PATJ: variants seen among roughly 807,000 people sequenced by gnomAD.
The protein encoded by PATJ is PATJ crumbs cell polarity complex component.
In PATJ, 190 loss-of-function variants were observed where a neutral mutation model predicts 224.9. The observed-to-expected ratio is 0.84, with a 90% CI of 0.75 to 0.95. PATJ has a LOEUF of 0.95. Among genes scored for constraint, PATJ ranks in the 40% least tolerant of loss-of-function variants. The pLI, the probability that PATJ is intolerant of heterozygous loss-of-function variation, is 0.00. For synonymous variants in PATJ, 769 were observed against 820.3 expected, an observed-to-expected ratio of 0.94 and a Z score of 1.07; for missense variants, 2,121 against 2,270.3, an observed-to-expected ratio of 0.93 and a Z score of 1.34.
chr1:61,998,965 A>T lies in PATJ; in HGVS notation c.3867+8601A>T, dbSNP rs147122203. On this transcript the variant is annotated intron_variant, in intron 28 of 43. Coordinates refer to ENST00000642238, the MANE Select transcript of PATJ (RefSeq NM_001350145.3). ...TTTATTTTTTATTACTGCAGTCCTC[A>T]TTATTGCTCACACAAAAGCTTTATG... Among the ~76,000 whole-genome samples the T allele has an allele frequency of 9.2e-5, 14 of 152,272 alleles. No homozygotes were observed. In the East Asian group the frequency reaches 2.5e-3, roughly 27 times the overall value.
chr1:61,769,659 G>C (rs1333629339), intron 5 of PATJ, among the ~76,000 whole-genome samples: 5 of 152,276 alleles, frequency 3.3e-5, no homozygotes, highest in Non-Finnish European at 5.9e-5. Flanking sequence ...GATTCAGAGA[G>C]GTTCAGTGGT....
At chr1:61,918,307 C>CTTTTTT (rs981322479) in intron 26 of PATJ, among the ~76,000 whole-genome samples, 2 of 115,626 alleles carry the variant, frequency 1.7e-5, no homozygotes, top group African/African-American at 6.8e-5. Context: ...TTTGTGTATT[C>CTTTTTT]TTTTTTTTTT....
intron 17 of PATJ, among the ~76,000 whole-genome samples, chr1:61,840,552 C>A (rs1197303471): frequency 6.6e-6 from 1 of 151,832 alleles, no homozygotes; most frequent in Non-Finnish European, 1.5e-5. Flanking sequence ...TTTAAAGGCT[C>A]TGTATTTTTT....
intron 27 of PATJ, among the ~76,000 whole-genome samples, chr1:61,956,815 CATTT>C (rs1388250793): frequency 1.3e-5 from 2 of 152,214 alleles, no homozygotes; most frequent in African/African-American, 4.8e-5. Flanking sequence ...TGCTAAGTCA[CATTT>C]ATATGATCAT....
At chr1:62,154,247 T>TA (rs1431793197) in intron 43 of PATJ, among the ~76,000 whole-genome samples, 3 of 152,198 alleles carry the variant, frequency 2.0e-5, no homozygotes, top group African/African-American at 7.2e-5. Flanking sequence ...TTTAATTTTT[T>TA]ATAAATTTTG....
At chr1:61,757,133 G>A (rs1269661734) in intron 1 of PATJ, among the ~76,000 whole-genome samples, 2 of 141,560 alleles carry the variant, frequency 1.4e-5, no homozygotes, top group Non-Finnish European at 3.0e-5. Context: ...GTGCAGTAGT[G>A]CAATCATGGT....
Position 62,018,982 on chromosome 1 carries a change from C to T in PATJ, c.3959+1035C>T, listed in dbSNP as rs1415787114. ...CATTAGGGCCAGGCACGGTGGCTCACGTCTGTAATCCCAGCACTTTGGGAG... is the reference window on the plus strand; with the variant it reads ...CATTAGGGCCAGGCACGGTGGCTCATGTCTGTAATCCCAGCACTTTGGGAG... On this transcript the variant is annotated intron_variant, in intron 29 of 43. Transcript: ENST00000642238. The surrounding 1 kb of genome is among the most constrained non-coding windows in gnomAD (Gnocchi z 4.2). 1.3e-5 allele frequency among the ~76,000 whole-genome samples: 2 copies of T among 152,082 alleles called. No homozygotes were observed. Among genetic ancestry groups the T allele is most frequent in the Non-Finnish European group, 2.9e-5 (2 of 68,012 alleles).
At chr1:61,921,980 A>G (rs11207865) in intron 26 of PATJ, among the ~76,000 whole-genome samples, 35,587 of 152,162 alleles carry the variant, frequency 0.23, 4,998 homozygotes, top group East Asian at 0.5. Context: ...GCTGTCTTGC[A>G]GCTTGCATTT....
intron 29 of PATJ, among the ~76,000 whole-genome samples, chr1:62,033,135 G>T (rs768250009): frequency 2.0e-5 from 3 of 152,128 alleles, no homozygotes; most frequent in Non-Finnish European, 4.4e-5. Flanking sequence ...AATTGTAGTT[G>T]TTCATTTACT....
At chr1:62,062,293 G>C (rs1655604612) in intron 31 of PATJ, among the ~76,000 whole-genome samples, 1 of 150,472 alleles carries the variant, frequency 6.6e-6, no homozygotes, top group Non-Finnish European at 1.5e-5. Flanking sequence ...ATTTAGACTG[G>C]TATGAGGTGG....
chr1:61,831,147 C>T (rs1489073541), intron 16 of PATJ, among the ~76,000 whole-genome samples: 1 of 145,160 alleles, frequency 6.9e-6, no homozygotes, highest in Non-Finnish European at 1.5e-5. Context: ...GAGATGGCGC[C>T]ACTGCACTCC....
chr1:62,049,821 C>T (rs1029667047), intron 30 of PATJ, among the ~76,000 whole-genome samples: 1 of 152,100 alleles, frequency 6.6e-6, no homozygotes, highest in Non-Finnish European at 1.5e-5. Flanking sequence ...TAGGTGGTTT[C>T]CACGTGCCAG....
At chr1:61,947,713 A>G (rs549863547) in intron 27 of PATJ, among the ~76,000 whole-genome samples, 1 of 152,194 alleles carries the variant, frequency 6.6e-6, no homozygotes, top group Non-Finnish European at 1.5e-5. Context: ...GGAAAAAACT[A>G]CTTTAAAGTT....
chr1:61,816,276 T>C (rs1461484681), intron 14 of PATJ: 2 of 152,222 alleles, frequency 1.3e-5, no homozygotes, highest in Non-Finnish European at 2.9e-5. Context: ...TTTTCTCCTA[T>C]ATTTCTAATA....
chr1:61,939,037 C>A (rs1557906931), intron 27 of PATJ, among the ~76,000 whole-genome samples: 1 of 142,996 alleles, frequency 7.0e-6, no homozygotes, highest in Non-Finnish European at 1.5e-5. Context: ...GCAGGAGAAT[C>A]GCTTGAACCC....
At chr1:61,833,126 T>TC (rs1288427496) in intron 16 of PATJ, among the ~76,000 whole-genome samples, 1 of 152,158 alleles carries the variant, frequency 6.6e-6, no homozygotes, top group Non-Finnish European at 1.5e-5. Context: ...ATTTTTTTTT[T>TC]CTCACCTTAT....
chr1:61,796,743 TTTTTTCTTC>T (rs1651369755), intron 10 of PATJ, among the ~76,000 whole-genome samples: 14 of 137,980 alleles, frequency 1.0e-4, no homozygotes, highest in South Asian at 2.4e-4. Context: ...TTTCTTTCTT[TTTTTTCTTC>T]CTTTCTTCCT....
At chr1:61,974,405 CTTTTTTT>C (rs149825131) in intron 27 of PATJ, among the ~76,000 whole-genome samples, 8 of 64,242 alleles carry the variant, frequency 1.2e-4, no homozygotes, top group South Asian at 1.7e-3. Flanking sequence ...CTCTCTCTCT[CTTTTTTT>C]TTTTTTTTTT....
intron 27 of PATJ, among the ~76,000 whole-genome samples, chr1:61,984,841 A>T (rs1403605002): frequency 6.6e-6 from 1 of 152,064 alleles, no homozygotes; most frequent in Admixed American, 6.6e-5. Context: ...TCTGAATTAT[A>T]ACTAGTCATA....
Sources: gnomAD v4.1 joint callset for allele counts (sites outside exome capture counted in the v4.1 genomes callset) on GRCh38, gnomAD v4.1.1 for gene constraint, Gnocchi (gnomAD v3.1) non-coding constraint, MANE v1.5 for transcripts, NCBI Gene and HGNC (gene_info 2026-07-23, HGNC 2026-07-21) for gene names.